The following COL24A1 variants were observed in gnomAD, a reference collection of about 807,000 sequenced individuals.
COL24A1 encodes the protein collagen type XXIV alpha 1 chain.
In COL24A1, 224 loss-of-function variants were observed where a neutral mutation model predicts 253.9. The ratio of observed to expected loss-of-function variants is 0.88; its 90% CI spans 0.79 to 0.99. COL24A1 has a LOEUF of 0.99. Among genes scored for constraint, COL24A1 ranks in the 50% least tolerant of loss-of-function variants. COL24A1 has a pLI of 0.00. For missense variants in COL24A1, 2,131 were observed against 2,068.5 expected (o/e 1.03, Z -0.59); for synonymous variants, 685 against 673.7 (o/e 1.02, Z -0.26).
chr1:86,103,301 G>A (rs780805288), intron 5 of COL24A1, among the ~76,000 whole-genome samples: 33 of 152,068 alleles, frequency 2.2e-4, no homozygotes, highest in Admixed American at 5.2e-4. Flanking sequence ...ATCTCTTAAA[G>A]ACAGCCTAAC....
intron 7 of COL24A1, among the ~76,000 whole-genome samples, chr1:86,066,332 G>A (rs1361055785): frequency 1.4e-5 from 2 of 145,864 alleles, no homozygotes; most frequent in Non-Finnish European, 3.0e-5. Context: ...TCCGCCTCCC[G>A]GGTTCGCGCC....
intron 18 of COL24A1, among the ~76,000 whole-genome samples, chr1:86,018,279 G>A (rs941356438): frequency 6.6e-6 from 1 of 152,156 alleles, no homozygotes; most frequent in African/African-American, 2.4e-5. Flanking sequence ...CAGTGCTGAG[G>A]TATCTGGACA....
rs1706016918 is a variant in COL24A1, at chr1:86,115,180, C to G, written c.1545+145G>C. On this transcript the variant is annotated intron_variant, in intron 4 of 59. Transcript: ENST00000370571. ...AAACTAGGCTGCATGTGTTCTTAAG[C>G]TTCTCTTGAATTGGCTAAGGTAGGA... 5 of 681,452 alleles carry G rather than the reference C, an allele frequency of 7.3e-6. No individual in the cohort carries two copies. The East Asian group carries it at 1.5e-4, about 20-fold the overall frequency. 42.2% of individuals were successfully genotyped at this position (681,452 alleles called of 1,614,324 possible).
chr1:85,974,704 ATT>A (rs1692494000), intron 20 of COL24A1, among the ~76,000 whole-genome samples: 1 of 152,172 alleles, frequency 6.6e-6, no homozygotes, highest in South Asian at 2.1e-4. Context: ...TTTTATCATC[ATT>A]GTTTAAGCTG....
At chr1:85,800,749 C>A (rs1671342562) in intron 47 of COL24A1, among the ~76,000 whole-genome samples, 1 of 152,156 alleles carries the variant, frequency 6.6e-6, no homozygotes, top group Admixed American at 6.5e-5. Context: ...ACTGTCCCCG[C>A]CTCTGTGTAT....
rs1570684556 is a variant in COL24A1, at chr1:85,803,984, C to T, written c.3951+12804G>A. Among the ~76,000 whole-genome samples, 4 of 152,130 alleles carry T rather than the reference C, an allele frequency of 2.6e-5. No homozygotes were observed. The South Asian group carries it at 8.3e-4, about 32-fold the overall frequency. On this transcript the variant is annotated intron_variant, in intron 47 of 59. Transcript: ENST00000370571. ...GGCATATAAGACATCAGAATGTTTG[C>T]CTCACAAAGACCTACATTAAAAATA...
At chr1:85,911,197 C>T (rs1341781494) in intron 25 of COL24A1, among the ~76,000 whole-genome samples, 183 bp downstream of exon 25, 1 of 151,690 alleles carries the variant, frequency 6.6e-6, no homozygotes, top group Non-Finnish European at 1.5e-5. Context: ...GGTACTCTGC[C>T]CTTTAAAAAT....
At position 85,745,436 on chromosome 1, in the gene COL24A1, G is replaced by T; in HGVS notation, c.4503+5C>A. 1 of 1,600,142 alleles carries T rather than the reference G, an allele frequency of 6.2e-7. No homozygotes were observed. Among genetic ancestry groups the T allele is most frequent in the Non-Finnish European group, 8.5e-7 (1 of 1,172,874 alleles). On this transcript the variant is annotated splice_donor_5th_base_variant and intron_variant, in intron 56 of 59. Coordinates refer to ENST00000370571, the MANE Select transcript of COL24A1 (RefSeq NM_152890.7). ...TGCCAATATAAATAAAACCAGATAT[G>T]TTACCTCCATCTGTAGGGCAGTATT...
chr1:86,115,911 C>T (rs1706093051), intron 3 of COL24A1, among the ~76,000 whole-genome samples: 1 of 151,738 alleles, frequency 6.6e-6, no homozygotes, highest in Non-Finnish European at 1.5e-5. Flanking sequence ...TGCAGCACAC[C>T]AGGAAGTCAC....
chr1:85,742,280 T>C (rs546524860), intron 57 of COL24A1, among the ~76,000 whole-genome samples: 5 of 151,748 alleles, frequency 3.3e-5, no homozygotes, highest in Non-Finnish European at 5.9e-5. Flanking sequence ...TACAGGTGCG[T>C]GCCACCACAC....
chr1:86,083,704 G>A (rs1188830845), intron 7 of COL24A1, among the ~76,000 whole-genome samples: 1 of 152,150 alleles, frequency 6.6e-6, no homozygotes, highest in East Asian at 1.9e-4. Flanking sequence ...CAGAGGATCA[G>A]TGAAAATAAG....
In COL24A1 at chr1:86,002,709, T is replaced by C. The variant is rs1363528436; in HGVS notation, c.2310+14442A>G. On this transcript the variant is annotated intron_variant, in intron 19 of 59. Coordinates refer to ENST00000370571, the MANE Select transcript of COL24A1 (RefSeq NM_152890.7). ...TTTGGCAAGACACATGCACTCAAGA[T>C]GGTAGGATATACACCCTTCAAAGAT... 2.0e-5 allele frequency among the ~76,000 whole-genome samples: 3 copies of C among 152,132 alleles called. No homozygotes were observed. The East Asian group carries it at 5.8e-4, about 29-fold the overall frequency.
At chr1:85,834,443 T>G (rs1675772929) in intron 43 of COL24A1, among the ~76,000 whole-genome samples, 2 of 152,128 alleles carry the variant, frequency 1.3e-5, no homozygotes, top group Admixed American at 1.3e-4. Flanking sequence ...CAGATTAAAT[T>G]TGGAAAGGAT....
intron 39 of COL24A1, among the ~76,000 whole-genome samples, chr1:85,843,647 A>G (rs974922998): frequency 3.3e-5 from 5 of 152,214 alleles, no homozygotes; most frequent in African/African-American, 1.2e-4. Flanking sequence ...TCTCAAGGAA[A>G]TTTCAAATGC....
chr1:85,735,702 G>A (rs138570425), intron 58 of COL24A1, among the ~76,000 whole-genome samples: 9 of 152,018 alleles, frequency 5.9e-5, no homozygotes, highest in African/African-American at 2.2e-4. Flanking sequence ...CTGACTGCAC[G>A]TTTCCCAGGC....
intron 47 of COL24A1, among the ~76,000 whole-genome samples, chr1:85,801,136 C>T (rs1352798140): frequency 6.6e-6 from 1 of 152,170 alleles, no homozygotes; most frequent in Non-Finnish European, 1.5e-5. Context: ...ATTATAATCA[C>T]TCCTTTCAGT....
chr1:85,775,373 G>A (rs558205547), intron 53 of COL24A1, among the ~76,000 whole-genome samples: 89 of 152,282 alleles, frequency 5.8e-4, no homozygotes, highest in African/African-American at 2.1e-3. Flanking sequence ...GAGTTCTGCA[G>A]ATGTCTATTA....
At chr1:86,093,217 G>T (rs1331369290) in intron 5 of COL24A1, among the ~76,000 whole-genome samples, 2 of 151,992 alleles carry the variant, frequency 1.3e-5, no homozygotes, top group Admixed American at 1.3e-4. Context: ...AGTCCTGCGT[G>T]TCCCCCAGTA....
chr1:86,014,708 T>C (rs925332138), intron 19 of COL24A1, among the ~76,000 whole-genome samples: 3 of 152,170 alleles, frequency 2.0e-5, no homozygotes, highest in Non-Finnish European at 4.4e-5. Flanking sequence ...TCCTCTCTCT[T>C]ACAATTGGAA....
Sources: allele counts gnomAD v4.1 joint callset (sites outside exome capture counted in the v4.1 genomes callset), GRCh38; gene constraint gnomAD v4.1.1; transcripts MANE v1.5; gene names NCBI Gene and HGNC (gene_info 2026-07-23, HGNC 2026-07-21).